PTPRD: variants seen among roughly 807,000 people sequenced by gnomAD.
PTPRD encodes receptor-type tyrosine-protein phosphatase delta.
PTPRD carries 34 observed loss-of-function variants against 214.5 expected under a neutral mutation model. That is an observed-to-expected ratio of 0.16 (90% CI 0.12 to 0.21). The LOEUF is 0.21. Among genes scored for constraint, PTPRD ranks in the 10% least tolerant of loss-of-function variants. PTPRD has a pLI of 1.00. For missense variants in PTPRD, 2,545 were observed against 2,398.7 expected (o/e 1.06, Z -1.27); for synonymous variants, 1,128 against 845.7 (o/e 1.33, Z -5.79).
chr9:8,517,374 C>T (rs1008204120), intron 21 of PTPRD, among the ~76,000 whole-genome samples: 1 of 152,152 alleles, frequency 6.6e-6, no homozygotes, highest in African/African-American at 2.4e-5. Flanking sequence ...TAAAGCCACT[C>T]AGAGAATACT....
intron 2 of PTPRD, among the ~76,000 whole-genome samples, chr9:10,466,030 CG>C (rs778363489): frequency 1.3e-5 from 2 of 152,084 alleles, no homozygotes; most frequent in Non-Finnish European, 1.5e-5. Context: ...AATGAATGAG[CG>C]AAACTAAAAA....
chr9:9,819,432 C>T lies in PTPRD; in HGVS notation c.-367-52581G>A, dbSNP rs146455762. ...TTCACCTTTGGTTTAAGGACATAAG[C>T]CTAATGATAATTAATTTCTACTGCA... On this transcript the variant is annotated intron_variant, in intron 5 of 45. Coordinates refer to ENST00000381196, the MANE Select transcript of PTPRD (RefSeq NM_002839.4). Among the ~76,000 whole-genome samples, 284 of 152,212 alleles carry T rather than the reference C, an allele frequency of 1.9e-3. 5 individuals carry two copies. The highest frequency in any genetic ancestry group is 0.014 in the Admixed American group (214 of 15,268).
intron 10 of PTPRD, among the ~76,000 whole-genome samples, chr9:9,076,425 A>G (rs1214007765): frequency 6.6e-6 from 1 of 151,570 alleles, no homozygotes; most frequent in African/African-American, 2.4e-5. Context: ...TGTACCCATT[A>G]ACCGTCCCCT....
At chr9:9,242,709 T>A (rs2099970974) in intron 9 of PTPRD, among the ~76,000 whole-genome samples, 1 of 152,148 alleles carries the variant, frequency 6.6e-6, no homozygotes, top group African/African-American at 2.4e-5. Context: ...TTTAAGGACT[T>A]CTCTACACTG....
intron 20 of PTPRD, among the ~76,000 whole-genome samples, chr9:8,519,305 A>G (rs537446507): frequency 5.9e-5 from 9 of 152,308 alleles, no homozygotes; most frequent in Admixed American, 5.9e-4. Flanking sequence ...TTAGAGGTCT[A>G]ATTCTTTCTT....
At chr9:10,048,667 C>G (rs1209719712) in intron 3 of PTPRD, among the ~76,000 whole-genome samples, 11 of 152,038 alleles carry the variant, frequency 7.2e-5, no homozygotes, top group Non-Finnish European at 1.5e-4. Context: ...CCTCAGCATG[C>G]AAGGCAAGGA....
chr9:8,523,862 C>A (rs1172661955), intron 18 of PTPRD, among the ~76,000 whole-genome samples: 1 of 152,080 alleles, frequency 6.6e-6, no homozygotes, highest in African/African-American at 2.4e-5. Context: ...TATTTCCCCA[C>A]CCCAGACTCC....
At chr9:9,479,976 G>A (rs2095332583) in intron 8 of PTPRD, among the ~76,000 whole-genome samples, 1 of 152,142 alleles carries the variant, frequency 6.6e-6, no homozygotes, top group Admixed American at 6.6e-5. Flanking sequence ...GCCATGGACT[G>A]CTACATACTT....
At chr9:8,856,417 T>C (rs1294508728) in intron 11 of PTPRD, among the ~76,000 whole-genome samples, 14 of 152,186 alleles carry the variant, frequency 9.2e-5, no homozygotes, top group Admixed American at 9.2e-4. Flanking sequence ...AGTCCACATT[T>C]GTAGCTCAGT....
At chr9:10,584,286 C>T (rs532997301) in intron 2 of PTPRD, among the ~76,000 whole-genome samples, 57 of 152,222 alleles carry the variant, frequency 3.7e-4, no homozygotes, top group South Asian at 1.2e-3. Flanking sequence ...GCTCCTATCC[C>T]AACATGGATC....
At chr9:9,074,843 G>A (rs909202439) in intron 10 of PTPRD, among the ~76,000 whole-genome samples, 1 of 150,258 alleles carries the variant, frequency 6.7e-6, no homozygotes, top group Non-Finnish European at 1.5e-5. Context: ...ATCAGTTTTA[G>A]AACAAATTTA....
intron 7 of PTPRD, among the ~76,000 whole-genome samples, chr9:9,698,355 T>C (rs1411435275): frequency 6.6e-6 from 1 of 152,198 alleles, no homozygotes; most frequent in Non-Finnish European, 1.5e-5. Flanking sequence ...TTCTCCTTTT[T>C]AGCACTAAAG....
chr9:10,114,724 G>A (rs2098716955), intron 3 of PTPRD, among the ~76,000 whole-genome samples: 1 of 152,008 alleles, frequency 6.6e-6, no homozygotes, highest in Non-Finnish European at 1.5e-5. Flanking sequence ...AAAGACACAT[G>A]TAATATAGCT....
At chr9:10,449,282 C>G (rs1339235551) in intron 2 of PTPRD, among the ~76,000 whole-genome samples, 1 of 151,886 alleles carries the variant, frequency 6.6e-6, no homozygotes, top group Non-Finnish European at 1.5e-5. Flanking sequence ...GGCGAGTGAT[C>G]TGCCCACCTG....
At chr9:8,971,108 T>C (rs1438428327) in intron 11 of PTPRD, among the ~76,000 whole-genome samples, 1 of 151,844 alleles carries the variant, frequency 6.6e-6, no homozygotes, top group Non-Finnish European at 1.5e-5. Flanking sequence ...AAAACAATTC[T>C]TCAAATGTGT....
At chr9:10,025,380 C>T (rs1000105405) in intron 4 of PTPRD, among the ~76,000 whole-genome samples, 1 of 152,090 alleles carries the variant, frequency 6.6e-6, no homozygotes, top group African/African-American at 2.4e-5. Context: ...CCAATTTTGT[C>T]CAAATCCTTC....
intron 12 of PTPRD, among the ~76,000 whole-genome samples, chr9:8,720,712 C>T (rs941892133): frequency 6.6e-6 from 1 of 151,816 alleles, no homozygotes; most frequent in African/African-American, 2.4e-5. Flanking sequence ...AAATTAGAAG[C>T]CATTCTAAAA....
chr9:8,759,268 T>C (rs1450812601), intron 11 of PTPRD, among the ~76,000 whole-genome samples: 1 of 152,188 alleles, frequency 6.6e-6, no homozygotes, highest in Admixed American at 6.5e-5. Flanking sequence ...ATCAGGCTGA[T>C]GTTGAACTCC....
chr9:8,885,294 C>T (rs1228965556), intron 11 of PTPRD, among the ~76,000 whole-genome samples: 1 of 151,974 alleles, frequency 6.6e-6, no homozygotes, highest in Non-Finnish European at 1.5e-5. Flanking sequence ...CATCCATTTT[C>T]CTGGGACTAA....
Sources: gnomAD v4.1 joint callset for allele counts (sites outside exome capture counted in the v4.1 genomes callset) on GRCh38, gnomAD v4.1.1 for gene constraint, MANE v1.5 for transcripts, NCBI Gene and HGNC (gene_info 2026-07-23, HGNC 2026-07-21) for gene names.